TXNDC16: variants seen among roughly 807,000 people sequenced by gnomAD.
The protein encoded by TXNDC16 is thioredoxin domain containing 16.
In TXNDC16, 74 loss-of-function variants were observed where a neutral mutation model predicts 85.6. That is an observed-to-expected ratio of 0.86 (90% CI 0.72 to 1.05). TXNDC16 has a LOEUF of 1.05. Ranked by LOEUF, TXNDC16 falls within the 50% of genes least tolerant of loss-of-function variation. The probability of loss-of-function intolerance (pLI) is 0.00; values close to 1 mark genes in which losing one functional copy is unlikely to be tolerated. For missense variants in TXNDC16, 959 were observed against 947.0 expected (o/e 1.01, Z -0.17); for synonymous variants, 335 against 326.5 (o/e 1.03, Z -0.28).
At chr14:52,512,200 C>T (rs1268151863) in intron 8 of TXNDC16, among the ~76,000 whole-genome samples, 1 of 151,864 alleles carries the variant, frequency 6.6e-6, no homozygotes, top group African/African-American at 2.4e-5. Flanking sequence ...TTACTTAATC[C>T]CTACTATGGT....
At chr14:52,439,924 T>C (rs2035128587) in intron 19 of TXNDC16, among the ~76,000 whole-genome samples, 1 of 152,198 alleles carries the variant, frequency 6.6e-6, no homozygotes, top group Non-Finnish European at 1.5e-5. Flanking sequence ...TAACACATTC[T>C]ACAGTTTATA....
intron 12 of TXNDC16, among the ~76,000 whole-genome samples, chr14:52,483,862 C>T (rs1594717158): frequency 6.6e-6 from 1 of 152,106 alleles, no homozygotes; most frequent in East Asian, 1.9e-4. Flanking sequence ...ACAGATGGAG[C>T]ATATAACTTG....
At chr14:52,488,213 T>G in intron 12 of TXNDC16, 150 bp downstream of exon 12, 1 of 915,078 alleles carries the variant, frequency 1.1e-6, no homozygotes, top group Non-Finnish European at 1.7e-6. Flanking sequence ...ATCAACTTGA[T>G]AAAATGTGGT....
Position 52,519,202 on chromosome 14 carries a change from A to G in TXNDC16, c.484T>C (p.Phe162Leu). The G allele has an allele frequency of 6.2e-7, 1 of 1,612,000 alleles. No individual in the cohort carries two copies. The highest frequency in any genetic ancestry group is 8.5e-7 in the Non-Finnish European group (1 of 1,179,144). The change falls in exon 7 of 21, where the codon TTC becomes CTC. Residue 162 changes from phenylalanine (F) to leucine (L), a missense_variant. Coordinates refer to ENST00000281741, the MANE Select transcript of TXNDC16 (RefSeq NM_020784.3). ...NALKGKANIIFSYVRAIGIPE... is the reference protein window; with the variant it reads ...NALKGKANIILSYVRAIGIPE... ...ATTCCAATGGCTCTTACATATGAGA[A>G]TATAATATTTGCTTTTCCTTTCAGA...
chr14:52,443,149 G>A (rs2035204092), intron 18 of TXNDC16, among the ~76,000 whole-genome samples: 1 of 151,936 alleles, frequency 6.6e-6, no homozygotes, highest in South Asian at 2.1e-4. Flanking sequence ...AATCTGGGTG[G>A]GCACCATCTA....
intron 16 of TXNDC16, among the ~76,000 whole-genome samples, chr14:52,467,415 C>A (rs117575921): frequency 0.049 from 7,491 of 151,812 alleles, 235 homozygotes; most frequent in Middle Eastern, 0.075. Context: ...TATAAATAAC[C>A]CAATTTAAAA....
chr14:52,527,244 G>A (rs552190617), intron 6 of TXNDC16, among the ~76,000 whole-genome samples: 13 of 152,250 alleles, frequency 8.5e-5, no homozygotes, highest in African/African-American at 2.9e-4. Context: ...ATCTCAGGTA[G>A]GGGGCAGTCT....
At chr14:52,437,003 A>G (rs1045299420) in intron 20 of TXNDC16, among the ~76,000 whole-genome samples, 1 of 152,152 alleles carries the variant, frequency 6.6e-6, no homozygotes, top group Admixed American at 6.5e-5. Flanking sequence ...TCAATATACT[A>G]TAATAATCTA....
At chr14:52,517,651 G>A (rs1322364947) in intron 7 of TXNDC16, among the ~76,000 whole-genome samples, 3 of 151,806 alleles carry the variant, frequency 2.0e-5, no homozygotes, top group African/African-American at 7.3e-5. Flanking sequence ...CCCTGCCCTT[G>A]TTCGCTACAT....
chr14:52,496,219 G>A (rs2140161285), intron 9 of TXNDC16, among the ~76,000 whole-genome samples: 1 of 152,046 alleles, frequency 6.6e-6, no homozygotes, highest in South Asian at 2.1e-4. Context: ...ACAATGATGG[G>A]ACAGGCATAG....
At chr14:52,516,712 T>C (rs2140189237) in intron 7 of TXNDC16, among the ~76,000 whole-genome samples, 1 of 152,218 alleles carries the variant, frequency 6.6e-6, no homozygotes, top group East Asian at 1.9e-4. Context: ...TTCTCCTCAC[T>C]GTCATTTCCA....
chr14:52,548,396 G>A (rs758726380), intron 1 of TXNDC16, among the ~76,000 whole-genome samples: 2 of 152,078 alleles, frequency 1.3e-5, no homozygotes, highest in African/African-American at 2.4e-5. Context: ...TTGCTAACAG[G>A]CTTCAGATGT....
chr14:52,473,820 A>G (rs1158374220), intron 14 of TXNDC16, among the ~76,000 whole-genome samples: 2 of 152,248 alleles, frequency 1.3e-5, no homozygotes, highest in Non-Finnish European at 2.9e-5. Context: ...GTCTTCGACT[A>G]AGAGATAACA....
intron 6 of TXNDC16, among the ~76,000 whole-genome samples, chr14:52,525,014 C>T (rs547412355): frequency 6.6e-6 from 1 of 151,870 alleles, no homozygotes; most frequent in South Asian, 2.1e-4. Flanking sequence ...CCCAGCTACT[C>T]GTGAGGCTGA....
chr14:52,455,380 T>C lies in TXNDC16; in HGVS notation c.1786A>G (p.Ser596Gly). 2.5e-6 allele frequency: 4 copies of C among 1,614,056 alleles called. No individual in the cohort carries two copies. Among genetic ancestry groups the C allele is most frequent in the Middle Eastern group, 1.6e-4 (1 of 6,062 alleles). ...TGAACTATGTCTTGTGCATGTGTGCTAGCTAGTGGGATGCTCTCTATTTTG... is the reference window on the plus strand; with the variant it reads ...TGAACTATGTCTTGTGCATGTGTGCCAGCTAGTGGGATGCTCTCTATTTTG... Reference protein sequence around the residue: ...EGKIESIPLASTHAQDIVQII... With the variant: ...EGKIESIPLAGTHAQDIVQII... Residue 596 changes from serine (S) to glycine (G), a missense_variant, in exon 18 of 21, where the codon AGC becomes GGC. By Grantham distance (56) the Ser-to-Gly change is moderately conservative (BLOSUM62 0). Transcript: ENST00000281741.
At chr14:52,453,363 A>G (rs2035455644) in intron 18 of TXNDC16, among the ~76,000 whole-genome samples, 2 of 152,224 alleles carry the variant, frequency 1.3e-5, no homozygotes, top group Non-Finnish European at 2.9e-5. Context: ...TACCAAAGAG[A>G]TATCTGCACT....
chr14:52,485,342 G>A (rs749392864), intron 12 of TXNDC16, among the ~76,000 whole-genome samples: 1 of 152,188 alleles, frequency 6.6e-6, no homozygotes, highest in Non-Finnish European at 1.5e-5. Context: ...TGTGCTTTAA[G>A]TTTAATGTTA....
chr14:52,489,207 CTAA>C (rs745469895), intron 11 of TXNDC16, among the ~76,000 whole-genome samples: 1 of 152,130 alleles, frequency 6.6e-6, no homozygotes, highest in Non-Finnish European at 1.5e-5. Flanking sequence ...ATTAATTCCA[CTAA>C]TAAGTTCAAT....
intron 8 of TXNDC16, among the ~76,000 whole-genome samples, chr14:52,511,627 T>G (rs929596256): frequency 1.7e-4 from 26 of 152,170 alleles, no homozygotes; most frequent in Admixed American, 6.5e-5. Context: ...AATTTTTTTT[T>G]GCTTACCTCT....
Sources: allele counts gnomAD v4.1 joint callset (sites outside exome capture counted in the v4.1 genomes callset), GRCh38; gene constraint gnomAD v4.1.1; transcripts MANE v1.5; gene names NCBI Gene and HGNC (gene_info 2026-07-23, HGNC 2026-07-21).